The following CLCN7 variants were observed in gnomAD, a reference collection of about 807,000 sequenced individuals.
CLCN7 encodes the protein Cl-/H+ antiporter 7.
In CLCN7, 60 loss-of-function variants were observed where a neutral mutation model predicts 102.1. That is an observed-to-expected ratio of 0.59 (90% CI 0.48 to 0.73). CLCN7 has a LOEUF of 0.73. CLCN7 is among the 30% of genes least tolerant of loss of function. The probability of loss-of-function intolerance (pLI) is 0.00; values close to 1 mark genes in which losing one functional copy is unlikely to be tolerated. For synonymous variants in CLCN7, 560 were observed against 490.5 expected (o/e 1.14, Z -1.87); for missense variants, 962 against 1,125.7 (o/e 0.85, Z 2.08).
At chr16:1,452,213 C>T (rs1426920371) in intron 15 of CLCN7, 3 of 241,972 alleles carry the variant, frequency 1.2e-5, no homozygotes, top group East Asian at 2.1e-4. Context: ...ACACCTGACC[C>T]GTCCCATCCT....
intron 11 of CLCN7, 169 bp downstream of exon 11, chr16:1,455,562 G>A (rs1230253459): frequency 3.6e-5 from 28 of 785,946 alleles, no homozygotes; most frequent in Non-Finnish European, 6.0e-5. Flanking sequence ...AGGGCGAACT[G>A]GGCAGCAAAG....
Position 1,456,878 on chromosome 16 carries a change from C to G in CLCN7, c.822+376G>C, listed in dbSNP as rs1303842048. ...AATACAATCACACACAAATGCAGCT[C>G]AATCCCCATCAACATGCTGGGGACT... is the stretch of plus-strand genomic sequence containing the variant. On this transcript the variant is annotated intron_variant, in intron 9 of 24. Transcript: ENST00000382745. Among the ~76,000 whole-genome samples the G allele has an allele frequency of 4.6e-5, 7 of 152,084 alleles. No homozygotes were observed. In the East Asian group the frequency reaches 1.3e-3, roughly 29 times the overall value.
chr16:1,468,355 C>T (rs969706726), intron 1 of CLCN7, among the ~76,000 whole-genome samples: 5 of 152,274 alleles, frequency 3.3e-5, no homozygotes, highest in South Asian at 4.2e-4. Context: ...GCTGCCCCTG[C>T]CCGGAGTGAA....
intron 1 of CLCN7, among the ~76,000 whole-genome samples, chr16:1,472,291 C>T (rs8045097): frequency 0.094 from 14,295 of 152,094 alleles, 847 homozygotes; most frequent in African/African-American, 0.16. Flanking sequence ...CAGGCAATGG[C>T]GTGATCTCGG....
At chr16:1,462,677 A>AAAAC (rs1555466083) in intron 2 of CLCN7, among the ~76,000 whole-genome samples, 1 of 146,844 alleles carries the variant, frequency 6.8e-6, no homozygotes. Flanking sequence ...AAAAAAAAAA[A>AAAAC]AAAAAAAAAA....
At chr16:1,456,493 G>A (rs1039862402) in intron 9 of CLCN7, among the ~76,000 whole-genome samples, 52 of 152,206 alleles carry the variant, frequency 3.4e-4, no homozygotes, top group African/African-American at 1.2e-3. Flanking sequence ...AAAAGCGCAC[G>A]GATGGAAACC....
At chr16:1,466,923 C>CAAAAAAAAAAAAAAA (rs34453480) in intron 1 of CLCN7, 1 of 39,914 alleles carries the variant, frequency 2.5e-5, no homozygotes, top group Non-Finnish European at 4.8e-5. Context: ...GACTCTGTCT[C>CAAAAAAAAAAAAAAA]AAAAAAAAAA....
Position 1,450,539 on chromosome 16 carries a change from G to T in CLCN7, c.1575C>A (p.Gly525=). 6.2e-7 allele frequency: 1 copy of T among 1,610,806 alleles called. No individual in the cohort carries two copies. Among genetic ancestry groups the T allele is most frequent in the Non-Finnish European group, 8.5e-7 (1 of 1,179,222 alleles). Residue 525 remains glycine, a synonymous_variant, in exon 17 of 25, where the codon GGC becomes GGA. Transcript: ENST00000382745. ...AGGACAGGGAGATCCCAAAGAGCCGGCCCCAGGCAGCCCCGATGAGCAGGG... is the reference window on the plus strand; with the variant it reads ...AGGACAGGGAGATCCCAAAGAGCCGTCCCCAGGCAGCCCCGATGAGCAGGG... ...IPSLLIGAAW[G]RLFGISLSYL... is the part of the protein sequence containing the mutation.
chr16:1,465,041 G>A (rs1195765442), intron 2 of CLCN7, among the ~76,000 whole-genome samples: 1 of 152,130 alleles, frequency 6.6e-6, no homozygotes, highest in African/African-American at 2.4e-5. Flanking sequence ...TGTCACTGCT[G>A]TCCTGACCGG....
At chr16:1,456,669 T>C (rs1333490687) in intron 9 of CLCN7, among the ~76,000 whole-genome samples, 1 of 151,768 alleles carries the variant, frequency 6.6e-6, no homozygotes, top group East Asian at 1.9e-4. Flanking sequence ...CAAAACCCCA[T>C]CTCTACTAAA....
chr16:1,455,069 C>T, intron 12 of CLCN7, 65 bp downstream of exon 12: 1 of 959,560 alleles, frequency 1.0e-6, no homozygotes, highest in Non-Finnish European at 1.7e-6. Flanking sequence ...TCAACCTGGG[C>T]CTTAAGCAAA....
rs1242987187 is a variant in CLCN7, at chr16:1,453,891, C to T, written c.1157G>A (p.Gly386Asp). ...PVFIAMGVVGGVLGAVFNALN... is the reference protein window; with the variant it reads ...PVFIAMGVVGDVLGAVFNALN... ...GGCATTGAACACTGCTCCAAGCACA[C>T]CGCCTGCGAACAGGGGAAAGGCCAG... Residue 386 changes from glycine to aspartate, a missense_variant, in exon 14 of 25, where the codon GGT becomes GAT. Coordinates refer to ENST00000382745, the MANE Select transcript of CLCN7 (RefSeq NM_001287.6). 1 of 1,613,194 alleles carries T rather than the reference C, an allele frequency of 6.2e-7. No homozygotes were observed. Among genetic ancestry groups the T allele is most frequent in the Non-Finnish European group, 8.5e-7 (1 of 1,180,024 alleles).
rs1271811360 is a variant in CLCN7, at chr16:1,474,824, C to T, written c.141+10G>A. The T allele has an allele frequency of 2.2e-6, 3 of 1,335,868 alleles. No homozygotes were observed. The highest frequency in any genetic ancestry group is 1.8e-5 in the South Asian group (1 of 54,436). The allele number at this position is 1,335,868 out of a possible 1,614,324, so 82.8% of individuals were successfully genotyped here. ...CTCAGTTTCCCCGCCTGCGCCCTGCCCGGCCTCACCTGGCGCGCAGCCCCA... is the reference window on the plus strand; with the variant it reads ...CTCAGTTTCCCCGCCTGCGCCCTGCTCGGCCTCACCTGGCGCGCAGCCCCA... On this transcript the variant is annotated intron_variant, in intron 1 of 24. Coordinates refer to ENST00000382745, the MANE Select transcript of CLCN7 (RefSeq NM_001287.6).
At position 1,455,347 on chromosome 16, in the gene CLCN7, G is replaced by T. The variant is rs146662873; in HGVS notation, c.982-97C>A. ...ACCATCGCCCCTCCTGTCAGCCCCG[G>T]GGCCAGGAGTCTGCAGACCCCGCCC... is the stretch of plus-strand genomic sequence containing the variant. On this transcript the variant is annotated intron_variant, in intron 11 of 24. Coordinates refer to ENST00000382745, the MANE Select transcript of CLCN7 (RefSeq NM_001287.6). 502 of 866,268 alleles carry T rather than the reference G, an allele frequency of 5.8e-4. 5 individuals carry two copies. In the African/African-American group the frequency reaches 7.2e-3, roughly 12 times the overall value. The allele number at this position is 866,268 out of a possible 1,614,324, so 53.7% of individuals were successfully genotyped here.
chr16:1,461,038 C>T (rs1019935126), intron 4 of CLCN7, 90 bp from the exon 5 acceptor site: 11 of 1,519,456 alleles, frequency 7.2e-6, no homozygotes, highest in Admixed American at 1.9e-5. Context: ...CTGCAGGCCC[C>T]GGGATTATGA....
intron 1 of CLCN7, among the ~76,000 whole-genome samples, chr16:1,469,218 A>C (rs1305158999): frequency 6.6e-6 from 1 of 152,092 alleles, no homozygotes; most frequent in Admixed American, 6.6e-5. Context: ...ATAAATAAAT[A>C]AAATAAAACA....
chr16:1,456,614 G>A (rs1039845976), intron 9 of CLCN7, among the ~76,000 whole-genome samples: 2 of 152,150 alleles, frequency 1.3e-5, no homozygotes, highest in East Asian at 3.9e-4. Context: ...CGAGGCAGGC[G>A]GATCACCTGA....
At chr16:1,449,402 G>T (rs1171933809) in intron 17 of CLCN7, 75 bp from the exon 18 acceptor site, 1 of 1,430,288 alleles carries the variant, frequency 7.0e-7, no homozygotes, top group Non-Finnish European at 9.6e-7. Flanking sequence ...GACGGAGGAG[G>T]CCCTGCCCAG....
intron 7 of CLCN7, among the ~76,000 whole-genome samples, chr16:1,458,689 T>C (rs1406365007): frequency 6.6e-6 from 1 of 152,162 alleles, no homozygotes; most frequent in African/African-American, 2.4e-5. Flanking sequence ...GGGTCAGGAC[T>C]CCCAGCACCT....
Sources: allele counts gnomAD v4.1 joint callset (sites outside exome capture counted in the v4.1 genomes callset), GRCh38; gene constraint gnomAD v4.1.1; transcripts MANE v1.5; gene names NCBI Gene and HGNC (gene_info 2026-07-23, HGNC 2026-07-21).